Variants in SORCS2 observed in about 807,000 individuals in gnomAD.
SORCS2 encodes the protein sortilin related VPS10 domain containing receptor 2.
Under a neutral mutation model 141.6 loss-of-function variants are expected in SORCS2, and 100 were observed. The ratio of observed to expected loss-of-function variants is 0.71; its 90% CI spans 0.60 to 0.83. The LOEUF (loss-of-function observed/expected upper bound fraction) is 0.83. SORCS2 is among the 40% of genes least tolerant of loss of function. The probability of loss-of-function intolerance (pLI) is 0.00; values close to 1 mark genes in which losing one functional copy is unlikely to be tolerated. For missense variants in SORCS2, 1,646 were observed against 1,560.2 expected (o/e 1.05, Z -0.93); for synonymous variants, 789 against 676.9 (o/e 1.17, Z -2.57).
intron 2 of SORCS2, among the ~76,000 whole-genome samples, chr4:7,420,848 G>A (rs1725992691): frequency 6.6e-6 from 1 of 152,182 alleles, no homozygotes; most frequent in South Asian, 2.1e-4. Context: ...CGGCATGCTT[G>A]ATGCCACTCA....
chr4:7,223,610 G>A (rs202100198), intron 1 of SORCS2, among the ~76,000 whole-genome samples: 5 of 152,164 alleles, frequency 3.3e-5, no homozygotes, highest in East Asian at 1.9e-4. Flanking sequence ...GGAATGGGGC[G>A]TGTACTCAGT....
intron 1 of SORCS2, among the ~76,000 whole-genome samples, chr4:7,380,721 C>G (rs1722933298): frequency 6.6e-6 from 1 of 152,236 alleles, no homozygotes; most frequent in Admixed American, 6.5e-5. Flanking sequence ...TTTGTAGTTA[C>G]CTTCTATGGA....
At chr4:7,670,547 G>A (rs994213361) in intron 8 of SORCS2, among the ~76,000 whole-genome samples, 1 of 152,322 alleles carries the variant, frequency 6.6e-6, no homozygotes, top group South Asian at 2.1e-4. Flanking sequence ...GATCAGGTAA[G>A]ATGGCAGAGC....
At chr4:7,702,119 A>G (rs926374566) in intron 12 of SORCS2, among the ~76,000 whole-genome samples, 1 of 152,196 alleles carries the variant, frequency 6.6e-6, no homozygotes, top group Non-Finnish European at 1.5e-5. Context: ...GTCTCTGAGC[A>G]CACTGAGACG....
At chr4:7,342,094 T>C (rs1224056736) in intron 1 of SORCS2, among the ~76,000 whole-genome samples, 2 of 152,216 alleles carry the variant, frequency 1.3e-5, no homozygotes, top group Admixed American at 6.5e-5. Context: ...GTGTATTCCT[T>C]CATTTGTTGA....
chr4:7,220,369 G>A (rs917758591), intron 1 of SORCS2, among the ~76,000 whole-genome samples: 3 of 152,124 alleles, frequency 2.0e-5, no homozygotes, highest in Admixed American at 6.6e-5. Flanking sequence ...TAGGGGCCTC[G>A]TCTGAGTCTT....
chr4:7,693,792 C>G (rs963363557), intron 11 of SORCS2, among the ~76,000 whole-genome samples: 2 of 152,250 alleles, frequency 1.3e-5, no homozygotes, highest in African/African-American at 4.8e-5. Flanking sequence ...AGCACAGTCC[C>G]TTTTTTGGCG....
At chr4:7,430,161 C>T (rs1161349710) in intron 2 of SORCS2, 1 of 152,074 alleles carries the variant, frequency 6.6e-6, no homozygotes, top group Non-Finnish European at 1.5e-5. Flanking sequence ...CGTGCCCCTC[C>T]AGGGCTCAGG....
At chr4:7,591,011 C>T (rs1467101873) in intron 3 of SORCS2, among the ~76,000 whole-genome samples, 1 of 152,124 alleles carries the variant, frequency 6.6e-6, no homozygotes, top group Non-Finnish European at 1.5e-5. Context: ...GGTATGGTGG[C>T]CACATGGCTG....
At chr4:7,636,750 G>A (rs1011312159) in intron 3 of SORCS2, among the ~76,000 whole-genome samples, 8 of 151,892 alleles carry the variant, frequency 5.3e-5, no homozygotes, top group African/African-American at 1.5e-4. Context: ...CTCCCAGCCC[G>A]AATAACACGA....
intron 1 of SORCS2, among the ~76,000 whole-genome samples, chr4:7,272,027 C>G (rs1466603961): frequency 6.6e-6 from 1 of 152,188 alleles, no homozygotes; most frequent in African/African-American, 2.4e-5. Context: ...TGTGTGCACA[C>G]TCACATGCTT....
At chr4:7,419,450 C>T (rs375569353) in intron 2 of SORCS2, among the ~76,000 whole-genome samples, 1 of 152,200 alleles carries the variant, frequency 6.6e-6, no homozygotes. Flanking sequence ...AGGGTGGCCT[C>T]TGAGGTTATA....
intron 2 of SORCS2, among the ~76,000 whole-genome samples, chr4:7,427,959 G>T (rs1422595668): frequency 2.0e-5 from 3 of 152,114 alleles, no homozygotes; most frequent in African/African-American, 7.2e-5. Context: ...CGGGGGGATG[G>T]AGGTTGCACT....
At chr4:7,421,437 T>C (rs1726047354) in intron 2 of SORCS2, among the ~76,000 whole-genome samples, 1 of 152,180 alleles carries the variant, frequency 6.6e-6, no homozygotes, top group South Asian at 2.1e-4. Flanking sequence ...GTTTACTGCA[T>C]CTGTGATAAT....
At chr4:7,350,615 G>A (rs906828873) in intron 1 of SORCS2, among the ~76,000 whole-genome samples, 2 of 152,248 alleles carry the variant, frequency 1.3e-5, no homozygotes, top group African/African-American at 4.8e-5. Flanking sequence ...AGGACTCCCG[G>A]CAGGCGGCAG....
At chr4:7,281,615 C>G (rs1577351893) in intron 1 of SORCS2, among the ~76,000 whole-genome samples, 2 of 152,194 alleles carry the variant, frequency 1.3e-5, no homozygotes, top group African/African-American at 4.8e-5. Flanking sequence ...CCATCTGTTT[C>G]TTGCAAACCC....
At chr4:7,601,238 C>G (rs1288595368) in intron 3 of SORCS2, among the ~76,000 whole-genome samples, 1 of 152,028 alleles carries the variant, frequency 6.6e-6, no homozygotes, top group Non-Finnish European at 1.5e-5. Context: ...CTCCAAAAAA[C>G]CAGCTTTGAT....
chr4:7,482,464 C>T (rs1278641337), intron 2 of SORCS2, among the ~76,000 whole-genome samples: 1 of 55,850 alleles, frequency 1.8e-5, no homozygotes, highest in African/African-American at 1.2e-4. Context: ...ATCCCCGCTG[C>T]GGACACCCCT....
intron 2 of SORCS2, among the ~76,000 whole-genome samples, chr4:7,501,810 A>G (rs1220057256): frequency 6.6e-6 from 1 of 152,232 alleles, no homozygotes; most frequent in East Asian, 1.9e-4. Context: ...TCCTGAATTA[A>G]TTATGTACCT....
Sources: allele counts gnomAD v4.1 joint callset (sites outside exome capture counted in the v4.1 genomes callset), GRCh38; gene constraint gnomAD v4.1.1; transcripts MANE v1.5; gene names NCBI Gene and HGNC (gene_info 2026-07-23, HGNC 2026-07-21).